The following GYG1 variants were observed in gnomAD, a reference collection of about 807,000 sequenced individuals.
GYG1 encodes the protein glycogenin 1.
A neutral mutation model predicts 41.9 loss-of-function variants in GYG1; 44 were observed. That is an observed-to-expected ratio of 1.05 (90% confidence interval 0.83 to 1.35). GYG1 has a LOEUF of 1.35. Ranked by LOEUF, GYG1 falls within the 40% of genes most tolerant of loss-of-function variation. The probability of loss-of-function intolerance (pLI) is 0.00; values close to 1 mark genes in which losing one functional copy is unlikely to be tolerated. For synonymous variants in GYG1, 141 were observed against 158.1 expected, an observed-to-expected ratio of 0.89 and a Z score of 0.81; for missense variants, 429 against 418.9, an observed-to-expected ratio of 1.02 and a Z score of -0.21.
At chr3:149,003,426 T>A (rs1460039042) in intron 4 of GYG1, among the ~76,000 whole-genome samples, 2 of 152,198 alleles carry the variant, frequency 1.3e-5, no homozygotes, top group African/African-American at 4.8e-5. Context: ...TTTTACTTTA[T>A]TTACTTTGTC....
At chr3:149,003,368 G>A (rs949459447) in intron 4 of GYG1, among the ~76,000 whole-genome samples, 6 of 151,878 alleles carry the variant, frequency 4.0e-5, no homozygotes, top group Non-Finnish European at 7.4e-5. Flanking sequence ...CACCCACCTC[G>A]GCCTCCCAAA....
intron 5 of GYG1, among the ~76,000 whole-genome samples, chr3:149,015,795 G>A (rs750895845): frequency 2.0e-5 from 3 of 152,106 alleles, no homozygotes; most frequent in South Asian, 2.1e-4. Context: ...GAGAGAGGGC[G>A]GTGGTGATTG....
intron 7 of GYG1, 111 bp from the exon 8 acceptor site, chr3:149,026,649 T>C: frequency 2.0e-6 from 2 of 1,008,988 alleles, no homozygotes; most frequent in Admixed American, 1.8e-5. Context: ...TTTTCAGTTT[T>C]TGCTACTTTG....
At position 149,024,110 on chromosome 3, in the gene GYG1, T is replaced by C. The variant is rs1332982172; in HGVS notation, c.666T>C (p.Tyr222=). Residue 222 remains tyrosine, a synonymous_variant, in exon 6 of 8, where the codon TAT becomes TAC. Coordinates refer to ENST00000345003, the MANE Select transcript of GYG1 (RefSeq NM_004130.4). ...TGGGACGAGTCAAACCATGGAATTA[T>C]ACTTATGATCCCAAAACAAAAAGTG... ...HFLGRVKPWN[Y]TYDPKTKSVK... is the part of the protein sequence containing the mutation. The C allele has an allele frequency of 4.3e-6, 7 of 1,614,086 alleles. No homozygotes were observed. The highest frequency in any genetic ancestry group is 1.1e-5 in the South Asian group (1 of 91,090).
intron 4 of GYG1, among the ~76,000 whole-genome samples, chr3:149,005,103 G>A (rs898420371): frequency 6.6e-6 from 1 of 152,074 alleles, no homozygotes; most frequent in South Asian, 2.1e-4. Context: ...TAAAGAAGGT[G>A]TTATAATGTC....
Position 149,027,337 on chromosome 3 carries a change from G to A in GYG1, c.*404G>A. 1 of 215,462 alleles carries A rather than the reference G, an allele frequency of 4.6e-6. No individual in the cohort carries two copies. Among genetic ancestry groups the A allele is most frequent in the Admixed American group, 5.2e-5 (1 of 19,222 alleles). The allele number at this position is 215,462 out of a possible 1,614,324, so 13.3% of individuals were successfully genotyped here. On this transcript the variant is annotated 3_prime_UTR_variant, in exon 8 of 8. Transcript: ENST00000345003. Reference sequence around the variant, plus strand: ...CTTGTTGGTTGTGTACCTTTCACGAGACCTGAATTTTAGAATTGCCCAGTG... The same window carrying A: ...CTTGTTGGTTGTGTACCTTTCACGAAACCTGAATTTTAGAATTGCCCAGTG...
intron 4 of GYG1, among the ~76,000 whole-genome samples, chr3:149,002,407 TG>T (rs1713142805): frequency 1.3e-5 from 2 of 152,200 alleles, no homozygotes; most frequent in Admixed American, 6.5e-5. Flanking sequence ...CTTGCAAGTA[TG>T]TAATAATTAA....
intron 5 of GYG1, among the ~76,000 whole-genome samples, chr3:149,021,156 G>C (rs373528394): frequency 6.6e-6 from 1 of 152,318 alleles, no homozygotes; most frequent in African/African-American, 2.4e-5. Flanking sequence ...CTTAATGTCA[G>C]TACTGCCCTG....
chr3:149,013,264 T>C (rs79961998), intron 5 of GYG1, among the ~76,000 whole-genome samples: 3,983 of 152,300 alleles, frequency 0.026, 192 homozygotes, highest in African/African-American at 0.092. Flanking sequence ...TTTCTCTAAC[T>C]GAAGGTTTTG....
chr3:149,014,449 C>T (rs1713905374), intron 5 of GYG1, among the ~76,000 whole-genome samples: 1 of 151,990 alleles, frequency 6.6e-6, no homozygotes, highest in Admixed American at 6.6e-5. Context: ...GAAGAGGGAG[C>T]TCATGGGAGG....
rs556173963 is a variant in GYG1, at chr3:149,029,980, AAGTT to A, written c.*3054_*3057del. 1.1e-4 allele frequency: 17 copies of A among 152,350 alleles called. No homozygotes were observed. Among genetic ancestry groups the A allele is most frequent in the East Asian group, 9.6e-4 (5 of 5,190 alleles). The allele number at this position is 152,350 out of a possible 1,614,324, so 9.4% of individuals were successfully genotyped here. A position where few individuals can be genotyped will look rare whatever the true frequency, so the allele number is the denominator to read the frequency against. On this transcript the variant is annotated 3_prime_UTR_variant, in exon 8 of 8. Coordinates refer to ENST00000345003, the MANE Select transcript of GYG1 (RefSeq NM_004130.4). ...TCAACCAGCTAAATTGAGCAAAATAAAGTTAGTTAGGATATGAGGACATTATTCT... is the reference window on the plus strand; with the variant it reads ...TCAACCAGCTAAATTGAGCAAAATAAAGTTAGGATATGAGGACATTATTCT...
chr3:149,021,471 T>A (rs1714371847), intron 5 of GYG1, among the ~76,000 whole-genome samples: 1 of 152,148 alleles, frequency 6.6e-6, no homozygotes, highest in African/African-American at 2.4e-5. Flanking sequence ...CAATTAACCT[T>A]AAGAGGAAAG....
Position 149,017,582 on chromosome 3 carries a change from G to GTTTTTTTTT in GYG1, c.609-6449_609-6441dup, listed in dbSNP as rs58075146. Among the ~76,000 whole-genome samples the GTTTTTTTTT allele has an allele frequency of 2.7e-4, 13 of 47,330 alleles. 5 individuals are homozygous for GTTTTTTTTT. The highest frequency in any genetic ancestry group is 4.4e-4 in the African/African-American group (8 of 18,048). 31.1% of individuals were successfully genotyped at this position (47,330 alleles called of 152,430 possible). A position where few individuals can be genotyped will look rare whatever the true frequency, so the allele number is the denominator to read the frequency against. ...TTATTTATTTATTTCTTTTATTTAG[G>GTTTTTTTTT]TTTTTTTTTTTTTTTTTTTTTTTTT... On this transcript the variant is annotated intron_variant, in intron 5 of 7. Coordinates refer to ENST00000345003, the MANE Select transcript of GYG1 (RefSeq NM_004130.4).
chr3:149,022,299 A>G (rs941820224), intron 5 of GYG1, among the ~76,000 whole-genome samples: 9 of 152,132 alleles, frequency 5.9e-5, no homozygotes, highest in Admixed American at 5.2e-4. Context: ...CATATGTACA[A>G]AAGAATACAT....
At chr3:149,020,282 T>G (rs3821493) in intron 5 of GYG1, among the ~76,000 whole-genome samples, 46,786 of 152,130 alleles carry the variant, frequency 0.31, 7,249 homozygotes, top group African/African-American at 0.36. Flanking sequence ...CCAGGATTCT[T>G]AGGCATACCT....
Position 148,996,458 on chromosome 3 carries a change from C to A in GYG1, c.300C>A (p.Phe100Leu). The change falls in exon 3 of 8, where the codon TTC becomes TTA. Residue 100 changes from phenylalanine (F) to leucine (L), a missense_variant. Phe to Leu is a conservative substitution (Grantham distance 22). Coordinates refer to ENST00000345003, the MANE Select transcript of GYG1 (RefSeq NM_004130.4). ...TTACACAGTATTCAAAATGTGTATTCATGGATGCAGATACTCTGGTGAGTG... is the reference window on the plus strand; with the variant it reads ...TTACACAGTATTCAAAATGTGTATTAATGGATGCAGATACTCTGGTGAGTG... Reference protein sequence around the residue: ...WSLTQYSKCVFMDADTLVLAN... With the variant: ...WSLTQYSKCVLMDADTLVLAN... 6.2e-7 allele frequency: 1 copy of A among 1,613,768 alleles called. No homozygotes were observed. The highest frequency in any genetic ancestry group is 8.5e-7 in the Non-Finnish European group (1 of 1,179,790).
chr3:148,998,503 G>A (rs184287494), intron 4 of GYG1, among the ~76,000 whole-genome samples: 32 of 152,330 alleles, frequency 2.1e-4, no homozygotes, highest in Non-Finnish European at 3.7e-4. Flanking sequence ...CTGAGGTTGC[G>A]AAACTCTGCT....
At position 149,006,366 on chromosome 3, in the gene GYG1, C is replaced by G. The variant is rs570858335; in HGVS notation, c.482-2910C>G. ...AAAGTGCTGGGATTACAGGCGTGAG[C>G]CACTGCGCCTGGCCCATCATATTCT... On this transcript the variant is annotated intron_variant, in intron 4 of 7. Coordinates refer to ENST00000345003, the MANE Select transcript of GYG1 (RefSeq NM_004130.4). Among the ~76,000 whole-genome samples, 8 of 152,318 alleles carry G rather than the reference C, an allele frequency of 5.3e-5. No homozygotes were observed. The South Asian group carries it at 1.7e-3, about 32-fold the overall frequency.
intron 5 of GYG1, among the ~76,000 whole-genome samples, chr3:149,019,571 C>T (rs1172455838): frequency 6.6e-6 from 1 of 152,162 alleles, no homozygotes; most frequent in Non-Finnish European, 1.5e-5. Context: ...TGAAAACTGC[C>T]CTGTCTATGA....
Sources: gnomAD v4.1 joint callset for allele counts (sites outside exome capture counted in the v4.1 genomes callset) on GRCh38, gnomAD v4.1.1 for gene constraint, MANE v1.5 for transcripts, NCBI Gene and HGNC (gene_info 2026-07-23, HGNC 2026-07-21) for gene names.